The following DCBLD1 variants were observed in gnomAD, a reference collection of about 807,000 sequenced individuals.
DCBLD1 encodes discoidin, CUB and LCCL domain containing 1.
A neutral mutation model predicts 71.5 loss-of-function variants in DCBLD1; 57 were observed. The observed-to-expected ratio is 0.80, with a 90% CI of 0.64 to 0.99. The LOEUF is 0.99. DCBLD1 is among the 50% of genes least tolerant of loss of function. DCBLD1 has a pLI of 0.00. For synonymous variants in DCBLD1, 380 were observed against 363.8 expected (o/e 1.04, Z -0.51); for missense variants, 891 against 923.5 (o/e 0.96, Z 0.46).
intron 1 of DCBLD1, among the ~76,000 whole-genome samples, chr6:117,485,846 T>G (rs900891213): frequency 2.0e-5 from 3 of 152,216 alleles, no homozygotes; most frequent in African/African-American, 7.2e-5. Flanking sequence ...TATTTCTATA[T>G]GTAAGGATGC....
intron 1 of DCBLD1, among the ~76,000 whole-genome samples, chr6:117,499,240 C>CAGAAAA (rs1777569320): frequency 9.2e-6 from 1 of 108,756 alleles, no homozygotes; most frequent in African/African-American, 4.3e-5. Flanking sequence ...CCATCTCTAC[C>CAGAAAA]AAAAAAAAAA....
rs769967776 is a variant in DCBLD1, at chr6:117,521,518, A to G, written c.461-7A>G. ...CTATTAATTGCAATTATCTTTATTT[A>G]TGACAGATTTAATAACATGTTTGGA... On this transcript the variant is annotated splice_region_variant and splice_polypyrimidine_tract_variant and intron_variant, in intron 3 of 14. Transcript: ENST00000338728. The G allele has an allele frequency of 1.3e-6, 2 of 1,573,622 alleles. No individual in the cohort carries two copies. The highest frequency in any genetic ancestry group is 2.4e-5 in the South Asian group (2 of 84,780).
At chr6:117,539,462 T>C in intron 9 of DCBLD1, 83 bp downstream of exon 9, 4 of 1,441,682 alleles carry the variant, frequency 2.8e-6, no homozygotes, top group Non-Finnish European at 2.8e-6. Context: ...ACATTAAATA[T>C]CTCATTAATA....
intron 14 of DCBLD1, chr6:117,563,076 C>A (rs1467131877): frequency 1.0e-5 from 6 of 578,764 alleles, no homozygotes; most frequent in Non-Finnish European, 1.8e-5. Context: ...TTATGGTCTA[C>A]CACAGAAAAC....
Position 117,501,914 on chromosome 6 carries a change from T to C in DCBLD1, c.113-1853T>C, listed in dbSNP as rs60155281. ...ACTCTTTTTGCTGTCTATATTGGCC[T>C]CTGTGTTGCAATCATTTCTGGACTG... On this transcript the variant is annotated intron_variant, in intron 1 of 14. Transcript: ENST00000338728. Among the ~76,000 whole-genome samples, 473 of 152,324 alleles carry C rather than the reference T, an allele frequency of 3.1e-3. 4 individuals are homozygous for C. The highest frequency in any genetic ancestry group is 0.011 in the African/African-American group (445 of 41,576).
chr6:117,551,638 C>A (rs1779429941), downstream of DCBLD1, among the ~76,000 whole-genome samples: 1 of 152,190 alleles, frequency 6.6e-6, no homozygotes, highest in Non-Finnish European at 1.5e-5. Flanking sequence ...CTCGGCCTCC[C>A]AAAGTGCTGG....
intron 2 of DCBLD1, among the ~76,000 whole-genome samples, chr6:117,508,541 A>G (rs2114445183): frequency 6.6e-6 from 1 of 152,356 alleles, no homozygotes; most frequent in East Asian, 1.9e-4. Context: ...ACTACTCTTA[A>G]CTTTACAGCT....
chr6:117,550,214 A>G (rs534828597), downstream of DCBLD1, among the ~76,000 whole-genome samples: 4 of 152,160 alleles, frequency 2.6e-5, no homozygotes, highest in South Asian at 8.3e-4. Context: ...CTTCTGCGGC[A>G]CTAGTGATCT....
Position 117,538,683 on chromosome 6 carries a change from C to A in DCBLD1, c.824C>A (p.Ser275Ter). The change falls in exon 8 of 15, where the codon TCG (serine) becomes TAG (stop). Residue 275 changes from serine to a stop codon, truncating the protein, a stop_gained. Coordinates refer to ENST00000338728, the MANE Select transcript of DCBLD1 (RefSeq NM_001366458.2). LOFTEE classifies it high-confidence loss of function. Reference protein sequence around the residue: ...GQIRASSSWQSVNESGDQVHW... With the variant: ...GQIRASSSWQ ...ATCAGAGCTTCTTCCTCATGGCAGT[C>A]GGTCAATGAGAGTGGAGACCAAGTT... The A allele has an allele frequency of 6.2e-7, 1 of 1,614,040 alleles. No homozygotes were observed. The highest frequency in any genetic ancestry group is 1.1e-5 in the South Asian group (1 of 91,040).
chr6:117,535,175 A>G (rs1778843994), intron 6 of DCBLD1, among the ~76,000 whole-genome samples: 1 of 152,224 alleles, frequency 6.6e-6, no homozygotes, highest in African/African-American at 2.4e-5. Flanking sequence ...CAGCTGAGGA[A>G]GAAGGAGTCC....
intron 2 of DCBLD1, among the ~76,000 whole-genome samples, chr6:117,514,833 G>A (rs1480285017): frequency 6.6e-6 from 1 of 151,882 alleles, no homozygotes; most frequent in Admixed American, 6.6e-5. Context: ...ATATTTACAT[G>A]TTTTTGGTCT....
intron 1 of DCBLD1, among the ~76,000 whole-genome samples, chr6:117,488,884 G>A (rs1440440114): frequency 2.0e-5 from 3 of 152,166 alleles, no homozygotes; most frequent in African/African-American, 7.2e-5. Context: ...CATCAGCACT[G>A]TGTTAAGCCA....
chr6:117,553,127 T>C (rs955496299), downstream of DCBLD1, among the ~76,000 whole-genome samples: 49 of 152,350 alleles, frequency 3.2e-4, 1 homozygote, highest in African/African-American at 1.1e-3. Context: ...GTTTCCAGTT[T>C]ACTGGGGGCC....
At chr6:117,567,020 T>C in intron 14 of DCBLD1, 4 of 1,587,166 alleles carry the variant, frequency 2.5e-6, no homozygotes, top group Admixed American at 3.8e-5. Context: ...CTACTTCAAA[T>C]TCAATCTCTC....
chr6:117,566,730 G>A, intron 14 of DCBLD1: 1 of 577,500 alleles, frequency 1.7e-6, no homozygotes, highest in South Asian at 3.0e-5. Context: ...ATAAACAAGG[G>A]AAAGCTCTTC....
chr6:117,491,813 T>C (rs1777302087), intron 1 of DCBLD1, among the ~76,000 whole-genome samples: 2 of 152,198 alleles, frequency 1.3e-5, no homozygotes, highest in Admixed American at 1.3e-4. Context: ...GTGACACAGC[T>C]CACGTCCTAA....
chr6:117,516,474 A>G (rs533175691), intron 2 of DCBLD1, among the ~76,000 whole-genome samples: 1 of 152,298 alleles, frequency 6.6e-6, no homozygotes, highest in African/African-American at 2.4e-5. Context: ...GTGATAGGAA[A>G]TGCTAGAAAT....
intron 1 of DCBLD1, among the ~76,000 whole-genome samples, chr6:117,491,341 T>G (rs1044070726): frequency 5.3e-5 from 8 of 152,104 alleles, no homozygotes; most frequent in African/African-American, 1.9e-4. Context: ...CGCCCACCAT[T>G]TTTTTGGGAT....
At position 117,548,531 on chromosome 6, in the gene DCBLD1, T is replaced by C; in HGVS notation, c.*92T>C. 6.6e-7 allele frequency: 1 copy of C among 1,515,620 alleles called. No homozygotes were observed. Among genetic ancestry groups the C allele is most frequent in the Non-Finnish European group, 8.8e-7 (1 of 1,135,902 alleles). The allele number at this position is 1,515,620 out of a possible 1,614,324, so 93.9% of individuals were successfully genotyped here. A position where few individuals can be genotyped will look rare whatever the true frequency, so the allele number is the denominator to read the frequency against. ...AGCCTGCTGGTCCAGAGTGTGCGTG[T>C]GTATCGGTGTGTGTGTACACTTGCA... is the stretch of plus-strand genomic sequence containing the variant. On this transcript the variant is annotated 3_prime_UTR_variant, in exon 15 of 15. Coordinates refer to ENST00000338728, the MANE Select transcript of DCBLD1 (RefSeq NM_001366458.2).
Sources: allele counts gnomAD v4.1 joint callset (sites outside exome capture counted in the v4.1 genomes callset), GRCh38; gene constraint gnomAD v4.1.1; transcripts MANE v1.5; gene names NCBI Gene and HGNC (gene_info 2026-07-23, HGNC 2026-07-21).